The following PDZD9 variants were observed in gnomAD, a reference collection of about 807,000 sequenced individuals.
PDZD9 encodes the protein PDZ domain containing 9.
PDZD9 carries 13 observed loss-of-function variants against 16.3 expected under a neutral mutation model. That is an observed-to-expected ratio of 0.80 (90% CI 0.52 to 1.27). PDZD9 has a LOEUF of 1.27. Ranked by LOEUF, PDZD9 falls within the 50% of genes most tolerant of loss-of-function variation. The pLI, the probability that PDZD9 is intolerant of heterozygous loss-of-function variation, is 0.00. For missense variants in PDZD9, 288 were observed against 310.9 expected (o/e 0.93, Z 0.55); for synonymous variants, 120 against 111.0 (o/e 1.08, Z -0.51).
At chr16:21,957,897 T>G in the PDZD9 span, among the ~76,000 whole-genome samples, 1 of 152,234 alleles carries the variant, frequency 6.6e-6, no homozygotes, top group Non-Finnish European at 1.5e-5. Flanking sequence ...ACTGCATCAC[T>G]GCAGTCTCTG....
chr16:21,984,464 T>A lies in PDZD9; in HGVS notation c.598A>T (p.Lys200Ter). The A allele has an allele frequency of 6.2e-7, 1 of 1,613,740 alleles. No homozygotes were observed. Among genetic ancestry groups the A allele is most frequent in the Middle Eastern group, 1.7e-4 (1 of 6,058 alleles). Residue 200 changes from lysine to a stop codon, truncating the protein, a stop_gained, in exon 4 of 4, where the codon AAA (lysine) becomes TAA (stop). Transcript: ENST00000424898. LOFTEE classifies it low-confidence loss of function (END_TRUNC). ...KKKNHTISVG[K>*]DINCDVMIHR... ...ATCATCACGTCACAATTAATGTCTTTTCCTACACTAATAGTATGGTTCTTC... is the reference window on the plus strand; with the variant it reads ...ATCATCACGTCACAATTAATGTCTTATCCTACACTAATAGTATGGTTCTTC...
chr16:22,000,193 G>A (rs1314247640), intron 1 of PDZD9, among the ~76,000 whole-genome samples: 2 of 152,182 alleles, frequency 1.3e-5, no homozygotes, highest in Admixed American at 6.5e-5. Context: ...GACAGAACAA[G>A]ACTCTGTCTC....
intron 3 of PDZD9, among the ~76,000 whole-genome samples, chr16:21,987,922 A>T (rs888402956): frequency 6.6e-6 from 1 of 152,134 alleles, no homozygotes; most frequent in Non-Finnish European, 1.5e-5. Flanking sequence ...GGAGAAGTTT[A>T]AAAAGGCTTA....
chr16:21,978,614 C>T, the PDZD9 span, among the ~76,000 whole-genome samples: 1 of 152,256 alleles, frequency 6.6e-6, no homozygotes, highest in African/African-American at 2.4e-5. Context: ...AATAGTTTTA[C>T]CTAGATCTAA....
At chr16:21,970,854 G>T in the PDZD9 span, among the ~76,000 whole-genome samples, 2 of 152,034 alleles carry the variant, frequency 1.3e-5, no homozygotes, top group Non-Finnish European at 2.9e-5. Flanking sequence ...CCAAACTGTT[G>T]GGATTACAGA....
downstream of PDZD9, among the ~76,000 whole-genome samples, chr16:21,979,736 A>G (rs749375376): frequency 1.1e-4 from 16 of 152,192 alleles, no homozygotes; most frequent in Non-Finnish European, 2.1e-4. Flanking sequence ...TAAACACTGT[A>G]AACATAGGCT....
chr16:21,994,869 T>C (rs1269629393), intron 2 of PDZD9, among the ~76,000 whole-genome samples: 1 of 151,910 alleles, frequency 6.6e-6, no homozygotes, highest in Non-Finnish European at 1.5e-5. Flanking sequence ...CTCACTCTGT[T>C]ACCCAGGTTG....
chr16:21,980,559 A>C, downstream of PDZD9: 1 of 1,613,796 alleles, frequency 6.2e-7, no homozygotes, highest in Non-Finnish European at 8.5e-7. Flanking sequence ...ACAAGCTGAA[A>C]GCTGGATACC....
the PDZD9 span, chr16:21,959,283 T>A: frequency 5.4e-6 from 1 of 186,022 alleles, no homozygotes; most frequent in Admixed American, 5.9e-5. Context: ...ATCTCAAACC[T>A]TACCACTTTT....
chr16:21,965,193 G>A, the PDZD9 span, among the ~76,000 whole-genome samples: 1 of 152,220 alleles, frequency 6.6e-6, no homozygotes, highest in African/African-American at 2.4e-5. Flanking sequence ...TATAGAAGCT[G>A]CTGCCATGTA....
At chr16:21,983,550 C>T (rs563948238), downstream of PDZD9, 205 of 260,494 alleles carry the variant, frequency 7.9e-4, 10 homozygotes, top group South Asian at 0.03. Flanking sequence ...AAAGCAAGTT[C>T]AAAATTTGTC....
rs1898820456 is a variant in PDZD9, at chr16:21,984,444, C to T, written c.618G>A (p.Val206=). 1 of 1,614,072 alleles carries T rather than the reference C, an allele frequency of 6.2e-7. No individual in the cohort carries two copies. Residue 206 remains valine (V), a synonymous_variant, in exon 4 of 4, where the codon GTG becomes GTA. Coordinates refer to ENST00000424898, the MANE Select transcript of PDZD9 (RefSeq NM_001363519.1). ...ISVGKDINCD[V]MIHRDDKKEV... ...CTTTCTTGTCGTCTCTGTGAATCAT[C>T]ACGTCACAATTAATGTCTTTTCCTA...
intron 3 of PDZD9, among the ~76,000 whole-genome samples, chr16:21,987,794 C>T (rs1223379309): frequency 6.6e-6 from 1 of 151,852 alleles, no homozygotes; most frequent in Non-Finnish European, 1.5e-5. Flanking sequence ...TGGCGTCTTT[C>T]GAGGAAACAG....
At chr16:21,963,670 T>C in the PDZD9 span, among the ~76,000 whole-genome samples, 1 of 151,850 alleles carries the variant, frequency 6.6e-6, no homozygotes, top group African/African-American at 2.4e-5. Context: ...GGTCTCACTC[T>C]ATTGCCCAGG....
At chr16:21,962,276 T>G in the PDZD9 span, 1 of 625,678 alleles carries the variant, frequency 1.6e-6, no homozygotes, top group Non-Finnish European at 2.8e-6. Context: ...GGTTGAATTA[T>G]TTGCTGGTTT....
At chr16:21,991,202 G>T (rs1286649164) in intron 2 of PDZD9, among the ~76,000 whole-genome samples, 3 of 151,854 alleles carry the variant, frequency 2.0e-5, no homozygotes, top group Non-Finnish European at 2.9e-5. Context: ...GCCAGTCCAT[G>T]ACTTGTATTT....
At chr16:21,991,148 G>T (rs952904369) in intron 2 of PDZD9, among the ~76,000 whole-genome samples, 1 of 152,088 alleles carries the variant, frequency 6.6e-6, no homozygotes, top group Non-Finnish European at 1.5e-5. Context: ...GTGCCTAGCT[G>T]GGTGTCTGCA....
chr16:21,976,295 T>G, the PDZD9 span: 1 of 1,431,328 alleles, frequency 7.0e-7, no homozygotes, highest in Middle Eastern at 1.8e-4. Flanking sequence ...GAAAGTTGTA[T>G]TCTTTTCAGA....
At chr16:22,000,379 A>G (rs548529665) in intron 1 of PDZD9, among the ~76,000 whole-genome samples, 1 of 151,622 alleles carries the variant, frequency 6.6e-6, no homozygotes, top group South Asian at 2.1e-4. Context: ...AAACGCTGTA[A>G]AAAACAGATG....
Sources: allele counts gnomAD v4.1 joint callset (sites outside exome capture counted in the v4.1 genomes callset), GRCh38; gene constraint gnomAD v4.1.1; transcripts MANE v1.5; gene names NCBI Gene and HGNC (gene_info 2026-07-23, HGNC 2026-07-21).